The following CTNNA3 variants were observed in gnomAD, a reference collection of about 807,000 sequenced individuals.
CTNNA3 encodes catenin alpha-3.
A neutral mutation model predicts 95.7 loss-of-function variants in CTNNA3; 76 were observed. The ratio of observed to expected loss-of-function variants is 0.79; its 90% CI spans 0.66 to 0.96. CTNNA3 has a LOEUF of 0.96. Among genes scored for constraint, CTNNA3 ranks in the 40% least tolerant of loss-of-function variants. CTNNA3 has a pLI of 0.00. For synonymous variants in CTNNA3, 431 were observed against 374.4 expected, an observed-to-expected ratio of 1.15 and a Z score of -1.74; for missense variants, 1,191 against 1,089.8, an observed-to-expected ratio of 1.09 and a Z score of -1.31.
At chr10:66,644,284 GTCTGTCTGTC>G (rs557269838) in intron 9 of CTNNA3, among the ~76,000 whole-genome samples, 5 of 95,596 alleles carry the variant, frequency 5.2e-5, no homozygotes, top group Admixed American at 3.1e-4. Flanking sequence ...CTGTCTGTCT[GTCTGTCTGTC>G]TCTCTCTCTC....
At chr10:67,075,578 AAGATAT>A (rs1217854888) in intron 7 of CTNNA3, among the ~76,000 whole-genome samples, 1 of 152,210 alleles carries the variant, frequency 6.6e-6, no homozygotes, top group Non-Finnish European at 1.5e-5. Flanking sequence ...TTCTCAAAGT[AAGATAT>A]AGACAAAGTG....
At chr10:66,335,755 C>T (rs975153164) in intron 12 of CTNNA3, among the ~76,000 whole-genome samples, 51 of 152,086 alleles carry the variant, frequency 3.4e-4, no homozygotes, top group Non-Finnish European at 6.5e-4. Context: ...TCTCTTTAAA[C>T]CTGTCAGACA....
chr10:65,998,034 T>A lies in CTNNA3; in HGVS notation c.2160-9237A>T, dbSNP rs192729832. 2.0e-3 allele frequency among the ~76,000 whole-genome samples: 306 copies of A among 152,232 alleles called. 1 individual carries two copies. The highest frequency in any genetic ancestry group is 6.9e-3 in the African/African-American group (286 of 41,564). On this transcript the variant is annotated intron_variant, in intron 15 of 17. Transcript: ENST00000433211. ...TGTCTCAAAAAAAACAAAAAAGAAC[T>A]ATATCATAATAGTTGAGTATAATAT...
intron 12 of CTNNA3, among the ~76,000 whole-genome samples, chr10:66,349,964 CA>C (rs1443526312): frequency 4.6e-5 from 7 of 152,024 alleles, no homozygotes; most frequent in African/African-American, 1.7e-4. Context: ...CAAAGAAAAA[CA>C]AATGAGTGGA....
intron 15 of CTNNA3, among the ~76,000 whole-genome samples, chr10:65,990,272 A>G (rs2078515933): frequency 6.6e-6 from 1 of 151,962 alleles, no homozygotes; most frequent in Non-Finnish European, 1.5e-5. Context: ...ATCATACGTT[A>G]GTACTACTTT....
chr10:67,691,504 C>T (rs1378804259), intron 1 of CTNNA3, among the ~76,000 whole-genome samples: 2 of 151,660 alleles, frequency 1.3e-5, no homozygotes, highest in Non-Finnish European at 2.9e-5. Flanking sequence ...TCTGCCCGGC[C>T]GCCCATCGTC....
At chr10:67,656,817 G>C (rs536760642) in intron 1 of CTNNA3, among the ~76,000 whole-genome samples, 117 of 152,278 alleles carry the variant, frequency 7.7e-4, no homozygotes, top group African/African-American at 2.7e-3. Flanking sequence ...TGTAAGCAGG[G>C]CAGAGTGAGC....
chr10:65,933,215 G>C (rs2077282278), intron 17 of CTNNA3, among the ~76,000 whole-genome samples: 1 of 152,098 alleles, frequency 6.6e-6, no homozygotes. Flanking sequence ...TTTTAACCTA[G>C]GGGTCCAGAC....
chr10:67,562,094 A>C (rs960296998), intron 3 of CTNNA3, among the ~76,000 whole-genome samples: 5 of 152,202 alleles, frequency 3.3e-5, no homozygotes, highest in African/African-American at 1.2e-4. Flanking sequence ...TTCTGAAACT[A>C]TTCCAATCAA....
intron 17 of CTNNA3, among the ~76,000 whole-genome samples, chr10:65,945,160 G>GTA (rs60008851): frequency 0.082 from 11,928 of 146,064 alleles, 507 homozygotes; most frequent in South Asian, 0.12. Flanking sequence ...GTGTGTGTGT[G>GTA]TATATATATA....
intron 11 of CTNNA3, among the ~76,000 whole-genome samples, chr10:66,382,722 G>C (rs1242470397): frequency 2.0e-5 from 3 of 152,136 alleles, no homozygotes; most frequent in Admixed American, 2.0e-4. Flanking sequence ...GCCCCTCTGG[G>C]ATGAAGCTTC....
intron 17 of CTNNA3, among the ~76,000 whole-genome samples, chr10:65,940,885 T>A (rs2077419468): frequency 6.6e-6 from 1 of 152,240 alleles, no homozygotes; most frequent in Non-Finnish European, 1.5e-5. Flanking sequence ...TCATGTGAAG[T>A]ATTTAAGTCA....
chr10:67,026,567 C>T (rs1036529420), intron 7 of CTNNA3, among the ~76,000 whole-genome samples: 6 of 152,076 alleles, frequency 3.9e-5, no homozygotes, highest in Admixed American at 3.9e-4. Flanking sequence ...CTTCAAATAG[C>T]TCCTTATATA....
chr10:67,539,629 G>A lies in CTNNA3; in HGVS notation c.333C>T (p.Asp111=). The change falls in exon 4 of 18, where the codon GAC becomes GAT. Residue 111 remains aspartate (D), a synonymous_variant. Coordinates refer to ENST00000433211, the MANE Select transcript of CTNNA3 (RefSeq NM_013266.4). ...LKVSAERFTD[D]PCFLPKREAV... Reference sequence around the variant, plus strand: ...CCTCCCTTTTTGGGAGAAAACAGGGGTCATCTGTAAATCTCTCAGCTGATA... The same window carrying A: ...CCTCCCTTTTTGGGAGAAAACAGGGATCATCTGTAAATCTCTCAGCTGATA... The A allele has an allele frequency of 6.2e-7, 1 of 1,613,740 alleles. No homozygotes were observed. The highest frequency in any genetic ancestry group is 8.5e-7 in the Non-Finnish European group (1 of 1,179,764).
intron 7 of CTNNA3, among the ~76,000 whole-genome samples, chr10:66,840,372 TCACACA>T (rs138947952): frequency 0.018 from 1,255 of 70,858 alleles, 36 homozygotes; most frequent in South Asian, 0.029. Context: ...TCTCTCTCTC[TCACACA>T]CACACACACA....
intron 15 of CTNNA3, among the ~76,000 whole-genome samples, chr10:66,008,012 AG>A (rs1687065414): frequency 6.6e-6 from 1 of 152,040 alleles, no homozygotes; most frequent in Admixed American, 6.6e-5. Context: ...TTCTGAAAAT[AG>A]GCCTCAACGT....
intron 2 of CTNNA3, among the ~76,000 whole-genome samples, chr10:67,617,094 C>T (rs1843681123): frequency 1.3e-5 from 2 of 152,146 alleles, no homozygotes; most frequent in Non-Finnish European, 2.9e-5. Flanking sequence ...GTTTTTGAAA[C>T]TAAATTTAAT....
intron 11 of CTNNA3, among the ~76,000 whole-genome samples, chr10:66,509,009 T>C (rs533709993): frequency 4.1e-4 from 62 of 152,248 alleles, no homozygotes; most frequent in African/African-American, 1.4e-3. Flanking sequence ...ACCAACAGTA[T>C]ATAAGAGTTC....
At chr10:66,648,552 C>T (rs2394264) in intron 9 of CTNNA3, among the ~76,000 whole-genome samples, 100,202 of 151,966 alleles carry the variant, frequency 0.66, 33,937 homozygotes, top group East Asian at 0.95. Flanking sequence ...ATCCTTAATT[C>T]ATACAAACAG....
Sources: allele counts gnomAD v4.1 joint callset (sites outside exome capture counted in the v4.1 genomes callset), GRCh38; gene constraint gnomAD v4.1.1; transcripts MANE v1.5; gene names NCBI Gene and HGNC (gene_info 2026-07-23, HGNC 2026-07-21).